RNF4: variants seen among roughly 807,000 people sequenced by gnomAD.
RNF4 encodes the protein ring finger protein 4, also known as E3 ubiquitin-protein ligase RNF4.
A neutral mutation model predicts 24.3 loss-of-function variants in RNF4; 7 were observed. The observed-to-expected ratio is 0.29, with a 90% CI of 0.16 to 0.54. RNF4 has a LOEUF of 0.54. RNF4 is among the 20% of genes least tolerant of loss of function. The pLI, the probability that RNF4 is intolerant of heterozygous loss-of-function variation, is 0.95. For synonymous variants in RNF4, 83 were observed against 84.3 expected (o/e 0.98, Z 0.09); for missense variants, 209 against 248.5 (o/e 0.84, Z 1.07).
chr4:2,483,159 T>C (rs1306255151), intron 1 of RNF4, among the ~76,000 whole-genome samples: 1 of 152,190 alleles, frequency 6.6e-6, no homozygotes, highest in Admixed American at 6.5e-5. Context: ...TGTTGCTGTT[T>C]CCCATCCCAT....
chr4:2,497,168 G>C (rs767883394), intron 3 of RNF4, 47 bp downstream of exon 3: 2 of 1,429,082 alleles, frequency 1.4e-6, no homozygotes, highest in Non-Finnish European at 1.9e-6. Flanking sequence ...AAAGTGGAGA[G>C]AGAACACTGT....
At chr4:2,474,241 G>T (rs540148422) in intron 1 of RNF4, among the ~76,000 whole-genome samples, 3 of 151,052 alleles carry the variant, frequency 2.0e-5, no homozygotes, top group Admixed American at 2.0e-4. Context: ...AGCCAGGTGT[G>T]GTGGCACGCA....
chr4:2,510,047 C>G (rs534642152), intron 4 of RNF4, among the ~76,000 whole-genome samples: 1 of 152,246 alleles, frequency 6.6e-6, no homozygotes, highest in South Asian at 2.1e-4. Context: ...GACTGATTGT[C>G]CCCAGATTTC....
chr4:2,501,091 G>A (rs573726364), intron 4 of RNF4, among the ~76,000 whole-genome samples: 1 of 152,352 alleles, frequency 6.6e-6, no homozygotes, highest in East Asian at 1.9e-4. Flanking sequence ...TTCAGTCCCT[G>A]ATTCCACAGT....
intron 4 of RNF4, among the ~76,000 whole-genome samples, chr4:2,507,560 T>C (rs750519040): frequency 6.6e-6 from 1 of 152,150 alleles, no homozygotes; most frequent in Non-Finnish European, 1.5e-5. Flanking sequence ...AGCTGTAAAG[T>C]TGTCTAAAGC....
chr4:2,506,326 G>A (rs1439199812), intron 4 of RNF4: 1 of 151,914 alleles, frequency 6.6e-6, no homozygotes, highest in East Asian at 1.9e-4. Context: ...TGGGATTACA[G>A]GTACACACCA....
At chr4:2,484,793 A>G (rs2108756658) in intron 1 of RNF4, among the ~76,000 whole-genome samples, 1 of 151,930 alleles carries the variant, frequency 6.6e-6, no homozygotes, top group Non-Finnish European at 1.5e-5. Context: ...CTCTGCCACT[A>G]CCCCGAGCCT....
chr4:2,506,650 C>T (rs1736110792), intron 4 of RNF4, among the ~76,000 whole-genome samples: 1 of 151,904 alleles, frequency 6.6e-6, no homozygotes, highest in Admixed American at 6.6e-5. Context: ...TCACTGCAGC[C>T]TGTACCTTCT....
At chr4:2,486,177 G>T (rs1164853136) in intron 1 of RNF4, among the ~76,000 whole-genome samples, 3 of 152,290 alleles carry the variant, frequency 2.0e-5, no homozygotes, top group Admixed American at 2.0e-4. Flanking sequence ...CTTACTGGGT[G>T]ATGTGAGGAG....
intron 2 of RNF4, among the ~76,000 whole-genome samples, chr4:2,496,361 G>C (rs1253386328): frequency 6.6e-6 from 1 of 152,222 alleles, no homozygotes; most frequent in Non-Finnish European, 1.5e-5. Flanking sequence ...TTTGGTTAAA[G>C]GGAAGAGTTT....
chr4:2,509,198 C>T (rs1736196002), intron 4 of RNF4, among the ~76,000 whole-genome samples: 1 of 151,796 alleles, frequency 6.6e-6, no homozygotes, highest in African/African-American at 2.4e-5. Flanking sequence ...GGATTGCAGG[C>T]ATGAGCCACC....
rs140110053 is a variant in RNF4, at chr4:2,496,367, A to T, written c.10-640A>T. ...TTGATAACTTTTGGTTAAAGGGAAG[A>T]GTTTCCAGCCTTTTGGCCAGGGCAT... On this transcript the variant is annotated intron_variant, in intron 2 of 7. Coordinates refer to ENST00000314289, the MANE Select transcript of RNF4 (RefSeq NM_002938.5). Among the ~76,000 whole-genome samples, 7 of 152,338 alleles carry T rather than the reference A, an allele frequency of 4.6e-5. No homozygotes were observed. The East Asian group carries it at 1.4e-3, about 29-fold the overall frequency.
chr4:2,470,260 G>A (rs1380564713), intron 1 of RNF4, among the ~76,000 whole-genome samples: 3 of 152,198 alleles, frequency 2.0e-5, no homozygotes, highest in Non-Finnish European at 2.9e-5. Flanking sequence ...CAGCAGATGA[G>A]GTTAAGTCCT....
chr4:2,475,092 G>C (rs1735027600), intron 1 of RNF4, among the ~76,000 whole-genome samples: 1 of 152,198 alleles, frequency 6.6e-6, no homozygotes, highest in African/African-American at 2.4e-5. Flanking sequence ...CCTGATCCAT[G>C]AGCAGCCATC....
At chr4:2,487,508 A>G (rs1578507342) in intron 1 of RNF4, among the ~76,000 whole-genome samples, 1 of 151,338 alleles carries the variant, frequency 6.6e-6, no homozygotes, top group South Asian at 2.1e-4. Context: ...CTGGTCTTGA[A>G]CTCCTGATCT....
chr4:2,499,786 G>A (rs1030575934), intron 3 of RNF4, among the ~76,000 whole-genome samples: 4 of 152,118 alleles, frequency 2.6e-5, no homozygotes, highest in Admixed American at 1.3e-4. Context: ...GTATGTTGAG[G>A]TTCTAGCTAT....
intron 2 of RNF4, among the ~76,000 whole-genome samples, chr4:2,492,952 G>A (rs779005400): frequency 2.0e-5 from 3 of 152,226 alleles, no homozygotes; most frequent in African/African-American, 4.8e-5. Flanking sequence ...TTACGGTGTG[G>A]TTATAGCTTA....
At chr4:2,481,494 A>T (rs111563236) in intron 1 of RNF4, among the ~76,000 whole-genome samples, 1 of 152,282 alleles carries the variant, frequency 6.6e-6, no homozygotes, top group African/African-American at 2.4e-5. Context: ...TATGTTCTGT[A>T]GGCAATGCTT....
chr4:2,477,368 C>T (rs957179531), intron 1 of RNF4, among the ~76,000 whole-genome samples: 8 of 152,068 alleles, frequency 5.3e-5, no homozygotes, highest in Admixed American at 1.3e-4. Context: ...GGGCGGATCA[C>T]GAGGTTAGGA....
Sources: allele counts gnomAD v4.1 joint callset (sites outside exome capture counted in the v4.1 genomes callset), GRCh38; gene constraint gnomAD v4.1.1; transcripts MANE v1.5; gene names NCBI Gene and HGNC (gene_info 2026-07-23, HGNC 2026-07-21).